Variants in DIAPH2 observed in about 807,000 individuals in gnomAD.
The protein encoded by DIAPH2 is diaphanous related formin 2, also known as protein diaphanous homolog 2.
In DIAPH2, 35 loss-of-function variants were observed where a neutral mutation model predicts 92.7. The ratio of observed to expected loss-of-function variants is 0.38; its 90% CI spans 0.29 to 0.50. DIAPH2 has a LOEUF of 0.50. Among genes scored for constraint, DIAPH2 ranks in the 20% least tolerant of loss-of-function variants. The probability of loss-of-function intolerance (pLI) is 0.94; values close to 1 mark genes in which losing one functional copy is unlikely to be tolerated. For missense variants in DIAPH2, 701 were observed against 819.5 expected (o/e 0.86, Z 1.77); for synonymous variants, 301 against 280.4 (o/e 1.07, Z -0.73).
intron 1 of DIAPH2, among the ~76,000 whole-genome samples, chrX:96,690,531 G>A (rs1874927318): frequency 9.0e-6 from 1 of 111,407 alleles, no homozygotes; most frequent in African/African-American, 3.3e-5. Flanking sequence ...TGTCTTTCTT[G>A]CATTTTGACA....
intron 4 of DIAPH2, among the ~76,000 whole-genome samples, chrX:96,829,539 G>T (rs1173440626): frequency 1.8e-5 from 2 of 109,691 alleles, no homozygotes; most frequent in Non-Finnish European, 3.8e-5. Context: ...TGTCGCCCAG[G>T]CTAGATTACA....
intron 17 of DIAPH2, among the ~76,000 whole-genome samples, chrX:97,006,593 A>C (rs188232801): frequency 8.9e-6 from 1 of 111,837 alleles, no homozygotes; most frequent in Non-Finnish European, 1.9e-5. Context: ...CTCTTTTTCC[A>C]TTGGCATGGA....
chrX:96,912,243 T>C, intron 5 of DIAPH2, 85 bp from the exon 6 acceptor site: 2 of 764,268 alleles, frequency 2.6e-6, no homozygotes, highest in Non-Finnish European at 3.8e-6. Flanking sequence ...ATTATCAGAT[T>C]TGAAAATTAA....
At position 96,837,404 on chromosome X, in the gene DIAPH2, CCTCT is replaced by C. The variant is rs758318611; in HGVS notation, c.448-44148_448-44145del. Among the ~76,000 whole-genome samples, 447 of 66,051 alleles carry C rather than the reference CCTCT, an allele frequency of 6.8e-3. 1 individual carries two copies. Among genetic ancestry groups the C allele is most frequent in the South Asian group, 0.016 (12 of 752 alleles). 57.4% of individuals were successfully genotyped at this position (66,051 alleles called of 115,157 possible). ...CCTTCCCTCCCTCCCTTCCTCCCTC[CCTCT>C]CTCTCTCTCTCTCTCTCTCTCTCTC... On this transcript the variant is annotated intron_variant, in intron 4 of 26. Transcript: ENST00000324765.
intron 4 of DIAPH2, among the ~76,000 whole-genome samples, chrX:96,800,689 C>T (rs1278078049): frequency 8.9e-6 from 1 of 111,899 alleles, no homozygotes; most frequent in African/African-American, 3.2e-5. Flanking sequence ...GTGAGAGCTG[C>T]AGTCAAACAA....
In DIAPH2 at chrX:97,429,711, C is replaced by T. The variant is rs1362303410; in HGVS notation, c.3207C>T (p.Phe1069=). Residue 1069 remains phenylalanine, a synonymous_variant, in exon 26 of 27, where the codon TTC becomes TTT. Transcript: ENST00000324765. ...AAGCCCTACAATCAGGTGCAGCATTCAGAGACCGTCGAAAGCGGATTCCAA... is the reference window on the plus strand; with the variant it reads ...AAGCCCTACAATCAGGTGCAGCATTTAGAGACCGTCGAAAGCGGATTCCAA... ...LLEALQSGAA[F]RDRRKRIPRN... 1 of 1,209,298 alleles carries T rather than the reference C, an allele frequency of 8.3e-7. No individual in the cohort carries two copies. The highest frequency in any genetic ancestry group is 2.2e-5 in the Admixed American group (1 of 45,665).
chrX:96,709,049 A>G (rs1422224353), intron 1 of DIAPH2, among the ~76,000 whole-genome samples: 1 of 112,159 alleles, frequency 8.9e-6, no homozygotes, highest in African/African-American at 3.2e-5. Context: ...GCTTATTTTA[A>G]GCAGTAATTA....
At chrX:96,884,694 T>C in intron 5 of DIAPH2, 1 of 1,211,093 alleles carries the variant, frequency 8.3e-7, no homozygotes, top group Non-Finnish European at 1.1e-6. Context: ...TCAAAGTGTT[T>C]GGTATCCTCA....
At chrX:97,233,092 TG>T (rs748444710) in intron 22 of DIAPH2, among the ~76,000 whole-genome samples, 1 of 112,324 alleles carries the variant, frequency 8.9e-6, no homozygotes, top group South Asian at 3.7e-4. Flanking sequence ...TAAAGCTCCA[TG>T]GGGGCAAAGA....
At chrX:97,318,428 C>T (rs778609215) in intron 23 of DIAPH2, among the ~76,000 whole-genome samples, 8 of 107,488 alleles carry the variant, frequency 7.4e-5, no homozygotes, top group East Asian at 2.9e-4. Context: ...TGAGCCACAA[C>T]GCCCTGCCGC....
chrX:96,709,731 C>T (rs1484070165), intron 1 of DIAPH2, among the ~76,000 whole-genome samples: 1 of 111,947 alleles, frequency 8.9e-6, no homozygotes, highest in Non-Finnish European at 1.9e-5. Context: ...AGTAAAAGCT[C>T]GTTTTCCATG....
chrX:96,892,333 G>A (rs763888118), intron 5 of DIAPH2, among the ~76,000 whole-genome samples: 1 of 111,842 alleles, frequency 8.9e-6, no homozygotes, highest in Non-Finnish European at 1.9e-5. Flanking sequence ...TACTAAAGCA[G>A]GTTTTTAAAT....
chrX:97,029,937 G>C (rs958774984), intron 17 of DIAPH2, among the ~76,000 whole-genome samples: 1 of 110,700 alleles, frequency 9.0e-6, no homozygotes, highest in African/African-American at 3.3e-5. Flanking sequence ...GCTTTCTTAT[G>C]ATGATCAGCT....
intron 22 of DIAPH2, among the ~76,000 whole-genome samples, chrX:97,210,429 A>G (rs2067830857): frequency 9.0e-6 from 1 of 111,710 alleles, no homozygotes; most frequent in Non-Finnish European, 1.9e-5. Flanking sequence ...TTATAGGAAA[A>G]TGTCTTGAGT....
rs950508478 is a variant in DIAPH2 at position 97,519,042 on chromosome X, C to G, written c.3242-80211C>G. Among the ~76,000 whole-genome samples, 6 of 111,800 alleles carry G rather than the reference C, an allele frequency of 5.4e-5. No individual in the cohort carries two copies. In the Admixed American group the frequency reaches 5.7e-4, roughly 11 times the overall value. On this transcript the variant is annotated intron_variant, in intron 26 of 26. Transcript: ENST00000324765. ...TTAAATTAGCCAAACCACCCTTTCT[C>G]TCTAACAGCCTGTATAATTGAGAGT...
At chrX:96,918,132 T>C (rs1056904982) in intron 8 of DIAPH2, among the ~76,000 whole-genome samples, 8 of 111,295 alleles carry the variant, frequency 7.2e-5, no homozygotes, top group Admixed American at 4.8e-4. Context: ...TCCTATATTG[T>C]AATGGTCTTT....
intron 17 of DIAPH2, among the ~76,000 whole-genome samples, chrX:96,992,141 A>G (rs749537301): frequency 9.0e-5 from 10 of 111,205 alleles, no homozygotes; most frequent in Non-Finnish European, 1.5e-4. Flanking sequence ...ATACTTCACA[A>G]GTATAGGGGA....
intron 4 of DIAPH2, among the ~76,000 whole-genome samples, chrX:96,774,468 T>C (rs1311409485): frequency 8.9e-6 from 1 of 112,005 alleles, no homozygotes; most frequent in Non-Finnish European, 1.9e-5. Context: ...AAGACCTCTG[T>C]GCACGTGTTG....
At chrX:97,259,160 TATGAGTAGTCCCACC>T (rs1364405365) in intron 23 of DIAPH2, among the ~76,000 whole-genome samples, 13 of 108,653 alleles carry the variant, frequency 1.2e-4, no homozygotes, top group South Asian at 4.2e-4. Flanking sequence ...TAGTCCCAGC[TATGAGTAGTCCCACC>T]ATGAGTAGTC....
Sources: allele counts gnomAD v4.1 joint callset (sites outside exome capture counted in the v4.1 genomes callset), GRCh38; gene constraint gnomAD v4.1.1; transcripts MANE v1.5; gene names NCBI Gene and HGNC (gene_info 2026-07-23, HGNC 2026-07-21).